Variants in RORA observed in about 807,000 individuals in gnomAD.
RORA encodes the protein nuclear receptor ROR-alpha.
Under a neutral mutation model 69.5 loss-of-function variants are expected in RORA, and 7 were observed. The ratio of observed to expected loss-of-function variants is 0.10; its 90% CI spans 0.06 to 0.19. The LOEUF (loss-of-function observed/expected upper bound fraction) is 0.19, where lower values mean the gene tolerates loss of function less well. Ranked by LOEUF, RORA falls within the 10% of genes least tolerant of loss-of-function variation. The probability of loss-of-function intolerance (pLI) is 1.00; values close to 1 mark genes in which losing one functional copy is unlikely to be tolerated. For synonymous variants in RORA, 261 were observed against 240.8 expected, an observed-to-expected ratio of 1.08 and a Z score of -0.78; for missense variants, 457 against 663.0, an observed-to-expected ratio of 0.69 and a Z score of 3.41.
intron 3 of RORA, chr15:60,530,897 T>C (rs960877531): frequency 6.6e-6 from 1 of 152,222 alleles, no homozygotes; most frequent in Non-Finnish European, 1.5e-5. Flanking sequence ...CACTGTTTTA[T>C]CCTGTAAGCT....
chr15:61,075,824 G>A (rs1465618293), intron 1 of RORA, among the ~76,000 whole-genome samples: 2 of 152,106 alleles, frequency 1.3e-5, no homozygotes, highest in African/African-American at 4.8e-5. Context: ...ACACACACAC[G>A]CAGTGGAGAA....
At chr15:60,855,724 G>A (rs943576701) in intron 1 of RORA, among the ~76,000 whole-genome samples, 1 of 150,416 alleles carries the variant, frequency 6.6e-6, no homozygotes, top group Non-Finnish European at 1.5e-5. Flanking sequence ...GGATTTAAGC[G>A]ATTCTCCTGC....
intron 1 of RORA, among the ~76,000 whole-genome samples, chr15:61,152,940 C>CA (rs1417572705): frequency 6.6e-6 from 1 of 152,118 alleles, no homozygotes; most frequent in African/African-American, 2.4e-5. Flanking sequence ...GAGGTACGGA[C>CA]AAAGCATTGT....
intron 1 of RORA, among the ~76,000 whole-genome samples, chr15:60,883,396 A>C (rs772587000): frequency 4.6e-5 from 7 of 152,190 alleles, no homozygotes; most frequent in Non-Finnish European, 1.0e-4. Context: ...AAATACATAA[A>C]TTATATTAAA....
At chr15:61,006,859 G>A (rs1894927030) in intron 1 of RORA, among the ~76,000 whole-genome samples, 1 of 151,858 alleles carries the variant, frequency 6.6e-6, no homozygotes, top group Non-Finnish European at 1.5e-5. Context: ...TCTATTACAG[G>A]GGTTTTCAAA....
chr15:61,012,267 T>C (rs1895110046), intron 1 of RORA, among the ~76,000 whole-genome samples: 2 of 152,238 alleles, frequency 1.3e-5, no homozygotes, highest in Non-Finnish European at 1.5e-5. Context: ...AAGTATGCAG[T>C]AAATTTAGCT....
intron 2 of RORA, among the ~76,000 whole-genome samples, chr15:60,549,673 G>T (rs2067174435): frequency 6.6e-6 from 1 of 152,086 alleles, no homozygotes; most frequent in South Asian, 2.1e-4. Context: ...TACTCATATG[G>T]TAATCTTTTT....
chr15:61,023,317 G>A (rs1293494455), intron 1 of RORA, among the ~76,000 whole-genome samples: 1 of 152,080 alleles, frequency 6.6e-6, no homozygotes, highest in African/African-American at 2.4e-5. Flanking sequence ...ATGGCTGGGA[G>A]GCCTCAGAAT....
chr15:60,975,427 C>G (rs1399816343), intron 1 of RORA, among the ~76,000 whole-genome samples: 4 of 152,104 alleles, frequency 2.6e-5, no homozygotes, highest in Non-Finnish European at 5.9e-5. Context: ...CTGGATTTGT[C>G]AAGTAAGGCT....
intron 1 of RORA, among the ~76,000 whole-genome samples, chr15:60,860,854 A>G (rs1315350122): frequency 6.6e-6 from 1 of 152,174 alleles, no homozygotes; most frequent in African/African-American, 2.4e-5. Flanking sequence ...ATTTTCCCTC[A>G]CTGCCTTTCT....
In RORA at chr15:61,131,208, T is replaced by A. The variant is rs2079187305; in HGVS notation, c.166+97845A>T. Among the ~76,000 whole-genome samples the A allele has an allele frequency of 6.6e-6, 1 of 152,234 alleles. No individual in the cohort carries two copies. The highest frequency in any genetic ancestry group is 1.5e-5 in the Non-Finnish European group (1 of 68,040). ...ATGGTCACTAACATTCCTGACCATG[T>A]GCTTTTACCAGGATCTATGTCACTA... is the stretch of plus-strand genomic sequence containing the variant. On this transcript the variant is annotated intron_variant, in intron 1 of 10. Transcript: ENST00000335670. The surrounding 1 kb of genome is among the most constrained non-coding windows in gnomAD (Gnocchi z 4.2).
intron 1 of RORA, among the ~76,000 whole-genome samples, chr15:61,017,031 T>C (rs114867417): frequency 0.021 from 3,268 of 152,270 alleles, 126 homozygotes; most frequent in African/African-American, 0.076. Flanking sequence ...TTATTATTAT[T>C]ATCATTGATT....
At chr15:60,509,887 A>G (rs1411215880) in intron 5 of RORA, among the ~76,000 whole-genome samples, 1 of 152,142 alleles carries the variant, frequency 6.6e-6, no homozygotes, top group South Asian at 2.1e-4. Flanking sequence ...ACACCTTTTA[A>G]TGCTGTTCAG....
chr15:61,048,006 T>C (rs563480380), intron 1 of RORA, among the ~76,000 whole-genome samples: 1 of 152,178 alleles, frequency 6.6e-6, no homozygotes, highest in Non-Finnish European at 1.5e-5. Flanking sequence ...TTTATGTAAG[T>C]AAGCATTTAG....
chr15:60,753,102 A>G (rs2071750592), intron 1 of RORA, among the ~76,000 whole-genome samples: 1 of 152,232 alleles, frequency 6.6e-6, no homozygotes, highest in East Asian at 1.9e-4. Context: ...TGACAATAAC[A>G]GCTCAGAAAA....
At chr15:60,833,958 T>C (rs965291854) in intron 1 of RORA, among the ~76,000 whole-genome samples, 17 of 152,160 alleles carry the variant, frequency 1.1e-4, no homozygotes, top group African/African-American at 4.1e-4. Flanking sequence ...TAGGAATACA[T>C]CATCAACCAG....
intron 2 of RORA, among the ~76,000 whole-genome samples, chr15:60,599,036 T>C (rs1276629190): frequency 1.3e-4 from 20 of 152,202 alleles, no homozygotes; most frequent in Non-Finnish European, 2.9e-5. Flanking sequence ...GCAATGCTTA[T>C]AATGTAAGGC....
chr15:61,080,517 C>G (rs1027929641), intron 1 of RORA, among the ~76,000 whole-genome samples: 1 of 152,136 alleles, frequency 6.6e-6, no homozygotes, highest in Non-Finnish European at 1.5e-5. Flanking sequence ...ATTTCCAAAC[C>G]TGCATAGATC....
chr15:60,809,344 G>A (rs911020970), intron 1 of RORA, among the ~76,000 whole-genome samples: 1 of 152,050 alleles, frequency 6.6e-6, no homozygotes, highest in Non-Finnish European at 1.5e-5. Flanking sequence ...CCAATTCTGT[G>A]TTTTTCAAAA....
Sources: allele counts gnomAD v4.1 joint callset (sites outside exome capture counted in the v4.1 genomes callset), GRCh38; gene constraint gnomAD v4.1.1; non-coding constraint Gnocchi (gnomAD v3.1); transcripts MANE v1.5; gene names NCBI Gene and HGNC (gene_info 2026-07-23, HGNC 2026-07-21).